Variants in CDK9 observed in about 807,000 individuals in gnomAD.
CDK9 encodes the protein cyclin dependent kinase 9.
Under a neutral mutation model 39.0 loss-of-function variants are expected in CDK9, and 34 were observed. The ratio of observed to expected loss-of-function variants is 0.87; its 90% CI spans 0.66 to 1.16. The LOEUF is 1.16. Among genes scored for constraint, CDK9 ranks in the 50% most tolerant of loss-of-function variants. The probability of loss-of-function intolerance (pLI) is 0.00; values close to 1 mark genes in which losing one functional copy is unlikely to be tolerated. For synonymous variants in CDK9, 233 were observed against 196.2 expected, an observed-to-expected ratio of 1.19 and a Z score of -1.57; for missense variants, 369 against 503.2, an observed-to-expected ratio of 0.73 and a Z score of 2.55.
In CDK9 at chr9:127,787,143, T is replaced by C. The variant is rs201184806; in HGVS notation, c.174+361T>C. On this transcript the variant is annotated intron_variant, in intron 2 of 6. Transcript: ENST00000373264. Reference sequence around the variant, plus strand: ...TATTTAATGTATTTAAAAGGAGCGGTCCCTTCTCCACCCCATCTTAGCTCT... The same window carrying C: ...TATTTAATGTATTTAAAAGGAGCGGCCCCTTCTCCACCCCATCTTAGCTCT... Among the ~76,000 whole-genome samples the C allele has an allele frequency of 2.6e-5, 4 of 152,334 alleles. No homozygotes were observed. In the East Asian group the frequency reaches 7.7e-4, roughly 29 times the overall value.
chr9:127,788,479 TG>T, intron 5 of CDK9, 64 bp from the exon 6 acceptor site: 1 of 1,533,544 alleles, frequency 6.5e-7, no homozygotes, highest in Non-Finnish European at 8.8e-7. Context: ...CTGCCGGCCC[TG>T]GGGCATTGAG....
chr9:127,786,362 C>T, intron 1 of CDK9, 122 bp downstream of exon 1: 1 of 840,346 alleles, frequency 1.2e-6, no homozygotes, highest in South Asian at 1.5e-5. Context: ...GCCTGCTGGT[C>T]TCTAGGCCGC....
chr9:127,787,154 C>A (rs1267619560), intron 2 of CDK9, among the ~76,000 whole-genome samples: 1 of 152,218 alleles, frequency 6.6e-6, no homozygotes, highest in African/African-American at 2.4e-5. Context: ...CCCTTCTCCA[C>A]CCCATCTTAG....
At chr9:127,788,415 T>G (rs1169096761) in intron 5 of CDK9, 30 bp downstream of exon 5, 2 of 1,597,884 alleles carry the variant, frequency 1.3e-6, no homozygotes, top group South Asian at 2.2e-5. Flanking sequence ...CCAAGGGGGG[T>G]GAGGGCCAGG....
rs371097580 is a variant in CDK9 at position 127,790,660 on chromosome 9, C to T, written c.*1117C>T. 2.0e-5 allele frequency: 3 copies of T among 152,134 alleles called. No homozygotes were observed. The highest frequency in any genetic ancestry group is 6.6e-5 in the Admixed American group (1 of 15,258). The allele number at this position is 152,134 out of a possible 1,614,324, so 9.4% of individuals were successfully genotyped here. A position where few individuals can be genotyped will look rare whatever the true frequency, so the allele number is the denominator to read the frequency against. ...CATTCTGGAGGTCAATTTCCTACAT[C>T]CTCTTACAGGCGGAGACCTTGAAGT... On this transcript the variant is annotated 3_prime_UTR_variant, in exon 7 of 7. Transcript: ENST00000373264.
intron 3 of CDK9, 142 bp downstream of exon 3, chr9:127,787,750 T>G (rs1485628955): frequency 8.3e-6 from 7 of 842,344 alleles, no homozygotes; most frequent in Non-Finnish European, 1.3e-5. Flanking sequence ...TCTTTCATCG[T>G]AGCTGGTGCT....
At chr9:127,786,439 G>C (rs1362429268) in intron 1 of CDK9, among the ~76,000 whole-genome samples, 199 bp downstream of exon 1, 1 of 152,214 alleles carries the variant, frequency 6.6e-6, no homozygotes, top group Non-Finnish European at 1.5e-5. Context: ...TGGTGGGGGC[G>C]GGGAGGGGCT....
chr9:127,787,473 T>C (rs375458528), intron 2 of CDK9, 45 bp from the exon 3 acceptor site: 1 of 1,377,916 alleles, frequency 7.3e-7, no homozygotes, highest in African/African-American at 1.4e-5. Flanking sequence ...GGCTGGGCTC[T>C]GTACTGCGCT....
At chr9:127,787,733 C>T (rs1829356267) in intron 3 of CDK9, 125 bp downstream of exon 3, 1 of 869,242 alleles carries the variant, frequency 1.2e-6, no homozygotes, top group Non-Finnish European at 1.9e-6. Context: ...ACTGCTTTTT[C>T]TGGTCCTCTT....
intron 1 of CDK9, 117 bp from the exon 2 acceptor site, chr9:127,786,584 C>G: frequency 1.1e-6 from 1 of 920,324 alleles, no homozygotes; most frequent in Non-Finnish European, 1.6e-6. Context: ...GCCCTGGGTA[C>G]CTAGCCCAGC....
Position 127,788,234 on chromosome 9 carries a change from G to A in CDK9, c.453G>A (p.Lys151=), listed in dbSNP as rs770089754. The A allele has an allele frequency of 6.3e-5, 102 of 1,613,820 alleles. No homozygotes were observed. The highest frequency in any genetic ancestry group is 8.4e-5 in the Non-Finnish European group (99 of 1,180,034). Residue 151 remains lysine (K), a synonymous_variant, in exon 5 of 7, where the codon AAG becomes AAA. Transcript: ENST00000373264. ...HRNKILHRDM[K]AANVLITRDG... is the part of the protein sequence containing the mutation. ...TGCAGATCCTGCATAGGGACATGAA[G>A]GCTGCTAATGTGCTTATCACTCGTG...
At chr9:127,786,608 C>G in intron 1 of CDK9, 93 bp from the exon 2 acceptor site, 2 of 1,152,166 alleles carry the variant, frequency 1.7e-6, no homozygotes, top group Non-Finnish European at 2.5e-6. Context: ...GCCCGGGAAT[C>G]TCTTTGCTGC....
In CDK9 at chr9:127,786,136, G is replaced by A. The variant is rs765744959; in HGVS notation, c.-13G>A. ...CAGCGACTGGGGGCGGCGGCGGCGCGTTGGAGGCGGCCATGGCAAAGCAGT... is the reference window on the plus strand; with the variant it reads ...CAGCGACTGGGGGCGGCGGCGGCGCATTGGAGGCGGCCATGGCAAAGCAGT... On this transcript the variant is annotated 5_prime_UTR_variant, in exon 1 of 7. Transcript: ENST00000373264. 5 of 1,588,652 alleles carry A rather than the reference G, an allele frequency of 3.1e-6. No homozygotes were observed. In the Middle Eastern group the frequency reaches 5.0e-4, roughly 160 times the overall value.
In CDK9 at chr9:127,786,309, G is replaced by GCC. The variant is rs1292061693; in HGVS notation, c.92+69_92+70insCC. The GCC allele has an allele frequency of 2.3e-6, 3 of 1,277,328 alleles. No homozygotes were observed. The African/African-American group carries it at 6.1e-5, about 26-fold the overall frequency. 79.1% of individuals were successfully genotyped at this position (1,277,328 alleles called of 1,614,324 possible). A position where few individuals can be genotyped will look rare whatever the true frequency, so the allele number is the denominator to read the frequency against. Reference sequence around the variant, plus strand: ...CCTAGGGCCGACGTCGGGATGCCCGGGCCCCCCCCGAGTTGGTAGAGAAGT... The same window carrying GCC: ...CCTAGGGCCGACGTCGGGATGCCCGGCCGCCCCCCCCGAGTTGGTAGAGAAGT... On this transcript the variant is annotated intron_variant, in intron 1 of 6. Coordinates refer to ENST00000373264, the MANE Select transcript of CDK9 (RefSeq NM_001261.4).
chr9:127,789,163 C>G lies in CDK9; in HGVS notation c.754-15C>G. On this transcript the variant is annotated splice_polypyrimidine_tract_variant and intron_variant, in intron 6 of 6. Transcript: ENST00000373264. This position sits in a 1 kb window ranked among gnomAD's most constrained non-coding sequence, Gnocchi z 5.2. ...GACCGGACTCCATATTCTCTCAACG[C>G]CCCCTCCCTCCCAGGTGTGGCCAAA... The G allele has an allele frequency of 6.5e-7, 1 of 1,548,446 alleles. No homozygotes were observed. Among genetic ancestry groups the G allele is most frequent in the Non-Finnish European group, 8.7e-7 (1 of 1,144,566 alleles).
Position 127,786,731 on chromosome 9 carries a change from C to T in CDK9, c.123C>T (p.Thr41=). ...TGTTCAAGGCCAGGCACCGCAAGAC[C>T]GGCCAGAAGGTGGCTCTGAAGAAGG... ...GEVFKARHRK[T]GQKVALKKVL... is the part of the protein sequence containing the mutation. Residue 41 remains threonine, a synonymous_variant, in exon 2 of 7, where the codon ACC becomes ACT. Transcript: ENST00000373264. 6.2e-7 allele frequency: 1 copy of T among 1,614,034 alleles called. No individual in the cohort carries two copies. The highest frequency in any genetic ancestry group is 8.5e-7 in the Non-Finnish European group (1 of 1,179,996).
chr9:127,789,316 C>T lies in CDK9; in HGVS notation c.892C>T (p.Leu298=), dbSNP rs374585241. 4.3e-6 allele frequency: 7 copies of T among 1,613,866 alleles called. No homozygotes were observed. In the African/African-American group the frequency reaches 8.0e-5, roughly 18 times the overall value. The change falls in exon 7 of 7, where the codon CTG becomes TTG. Residue 298 remains leucine, a synonymous_variant. Coordinates refer to ENST00000373264, the MANE Select transcript of CDK9 (RefSeq NM_001261.4). The surrounding 1 kb of genome is among the most constrained non-coding windows in gnomAD (Gnocchi z 5.2). Reference sequence around the variant, plus strand: ...GGACCTCATCGACAAGCTGCTGGTGCTGGACCCTGCCCAGCGCATCGACAG... The same window carrying T: ...GGACCTCATCGACAAGCTGCTGGTGTTGGACCCTGCCCAGCGCATCGACAG... ...ALDLIDKLLV[L]DPAQRIDSDD...
In CDK9 at chr9:127,790,475, G is replaced by C. The variant is rs975411083; in HGVS notation, c.*932G>C. The C allele has an allele frequency of 1.3e-5, 2 of 152,458 alleles. No individual in the cohort carries two copies. The highest frequency in any genetic ancestry group is 3.8e-4 in the East Asian group (2 of 5,214). The allele number at this position is 152,458 out of a possible 1,614,324, so 9.4% of individuals were successfully genotyped here. A position where few individuals can be genotyped will look rare whatever the true frequency, so the allele number is the denominator to read the frequency against. Reference sequence around the variant, plus strand: ...GCTGGAGAGAGAAAGTGGGCAGAGGGTGAAGGGATCACAGGGGTCTTGGAA... The same window carrying C: ...GCTGGAGAGAGAAAGTGGGCAGAGGCTGAAGGGATCACAGGGGTCTTGGAA... On this transcript the variant is annotated 3_prime_UTR_variant, in exon 7 of 7. Transcript: ENST00000373264.
rs1033196860 is a variant in CDK9 at position 127,787,833 on chromosome 9, T to C, written c.266-114T>C. On this transcript the variant is annotated intron_variant, in intron 3 of 6. Transcript: ENST00000373264. ...ACCGGTGAAGGAAGGAACAGACAGA[T>C]GCTCTGGAGGGCATGGGTGCCCGTG... is the stretch of plus-strand genomic sequence containing the variant. 5 of 1,139,122 alleles carry C rather than the reference T, an allele frequency of 4.4e-6. No homozygotes were observed. The Admixed American group carries it at 7.3e-5, about 17-fold the overall frequency. 70.6% of individuals were successfully genotyped at this position (1,139,122 alleles called of 1,614,324 possible). A position where few individuals can be genotyped will look rare whatever the true frequency, so the allele number is the denominator to read the frequency against.
Sources: gnomAD v4.1 joint callset for allele counts (sites outside exome capture counted in the v4.1 genomes callset) on GRCh38, gnomAD v4.1.1 for gene constraint, Gnocchi (gnomAD v3.1) non-coding constraint, MANE v1.5 for transcripts, NCBI Gene and HGNC (gene_info 2026-07-23, HGNC 2026-07-21) for gene names.